LRRC49: variants seen among roughly 807,000 people sequenced by gnomAD.
The protein encoded by LRRC49 is leucine-rich repeat-containing protein 49.
In LRRC49, 50 loss-of-function variants were observed where a neutral mutation model predicts 83.3. The observed-to-expected ratio is 0.60, with a 90% CI of 0.48 to 0.76. The LOEUF (loss-of-function observed/expected upper bound fraction) is 0.76. Among genes scored for constraint, LRRC49 ranks in the 30% least tolerant of loss-of-function variants. The probability of loss-of-function intolerance (pLI) is 0.00; values close to 1 mark genes in which losing one functional copy is unlikely to be tolerated. For synonymous variants in LRRC49, 286 were observed against 283.3 expected (o/e 1.01, Z -0.10); for missense variants, 704 against 809.1 (o/e 0.87, Z 1.58).
intron 15 of LRRC49, among the ~76,000 whole-genome samples, chr15:71,045,131 T>C (rs1376964017): frequency 6.6e-6 from 1 of 152,056 alleles, no homozygotes; most frequent in East Asian, 1.9e-4. Flanking sequence ...CCAGACCTCA[T>C]GATCTGCCCA....
At chr15:70,883,349 G>A (rs887235072) in intron 2 of LRRC49, among the ~76,000 whole-genome samples, 5 of 151,856 alleles carry the variant, frequency 3.3e-5, no homozygotes, top group African/African-American at 1.2e-4. Context: ...GCGCCACCAC[G>A]CCCAGCTAAT....
At chr15:70,867,052 A>T (rs1438326380) in intron 1 of LRRC49, among the ~76,000 whole-genome samples, 1 of 103,326 alleles carries the variant, frequency 9.7e-6, no homozygotes, top group East Asian at 2.4e-4. Flanking sequence ...ATCGGAACGG[A>T]ATCCTGATGG....
chr15:70,953,734 T>C (rs2036300416), intron 8 of LRRC49, among the ~76,000 whole-genome samples: 1 of 152,166 alleles, frequency 6.6e-6, no homozygotes, highest in African/African-American at 2.4e-5. Context: ...TTGTTGTTTC[T>C]CCTCTTTCTG....
chr15:70,895,972 C>A (rs1171072849), intron 3 of LRRC49, 36 bp downstream of exon 3: 1 of 1,196,024 alleles, frequency 8.4e-7, no homozygotes, highest in Non-Finnish European at 1.2e-6. Context: ...TGTGGTTCAT[C>A]ATCTTTGAAT....
chr15:70,983,494 C>G (rs2037479931), intron 10 of LRRC49, among the ~76,000 whole-genome samples: 1 of 152,144 alleles, frequency 6.6e-6, no homozygotes, highest in Non-Finnish European at 1.5e-5. Context: ...TTCTTTCCTA[C>G]TCATCTGGAA....
intron 11 of LRRC49, among the ~76,000 whole-genome samples, chr15:70,992,797 G>A (rs1225259969): frequency 2.0e-5 from 3 of 152,288 alleles, no homozygotes; most frequent in East Asian, 1.9e-4. Context: ...GCCCCTACTC[G>A]GGGGTGCCTC....
chr15:70,892,944 T>C lies in LRRC49; in HGVS notation c.48+2T>C. On this transcript the variant is annotated splice_donor_variant, in intron 1 of 15. Coordinates refer to ENST00000260382, the MANE Select transcript of LRRC49 (RefSeq NM_017691.5). LOFTEE classifies it high-confidence loss of function. ...GTTTCTGGCCGGGCTGCGAACAACG[T>C]AAGTTGGGCCTTCTACTTTCTCTTT... 6.2e-7 allele frequency: 1 copy of C among 1,614,220 alleles called. No homozygotes were observed. Among genetic ancestry groups the C allele is most frequent in the Non-Finnish European group, 8.5e-7 (1 of 1,180,020 alleles).
intron 5 of LRRC49, among the ~76,000 whole-genome samples, chr15:70,909,913 C>T (rs1240199404): frequency 6.6e-6 from 1 of 150,572 alleles, no homozygotes; most frequent in Admixed American, 6.6e-5. Context: ...AGCTGTTTTC[C>T]CATCTGGTTG....
chr15:70,863,440 A>G (rs2032839240), intron 1 of LRRC49, among the ~76,000 whole-genome samples: 1 of 152,218 alleles, frequency 6.6e-6, no homozygotes, highest in Admixed American at 6.5e-5. Context: ...TCCTTTTCTC[A>G]AGTATTCTGG....
At chr15:70,910,976 T>C (rs995416255) in intron 5 of LRRC49, among the ~76,000 whole-genome samples, 2 of 152,208 alleles carry the variant, frequency 1.3e-5, no homozygotes, top group African/African-American at 4.8e-5. Context: ...GTATTTTAAA[T>C]ATGGTCATCT....
intron 2 of LRRC49, among the ~76,000 whole-genome samples, chr15:70,876,743 A>T (rs1340750345): frequency 6.6e-6 from 1 of 151,710 alleles, no homozygotes; most frequent in Non-Finnish European, 1.5e-5. Context: ...GCCTTTCCTC[A>T]CTCTAGGTCA....
chr15:71,048,295 A>G (rs1439731936), intron 15 of LRRC49, among the ~76,000 whole-genome samples: 1 of 151,232 alleles, frequency 6.6e-6, no homozygotes, highest in Non-Finnish European at 1.5e-5. Context: ...GGGTCTCGCT[A>G]TGTTGCCCAG....
Position 71,037,305 on chromosome 15 carries a change from A to G in LRRC49, c.1830A>G (p.Thr610=). 6.2e-7 allele frequency: 1 copy of G among 1,602,326 alleles called. No individual in the cohort carries two copies. The highest frequency in any genetic ancestry group is 8.5e-7 in the Non-Finnish European group (1 of 1,175,224). Residue 610 remains threonine, a synonymous_variant, in exon 15 of 16, where the codon ACA becomes ACG. Coordinates refer to ENST00000260382, the MANE Select transcript of LRRC49 (RefSeq NM_017691.5). ...NTNRATLNYT[T]RDFYNEKLEE... is the part of the protein sequence containing the mutation. ...ATCGTGCTACATTAAATTATACTAC[A>G]AGAGACTTTTATAATGAAAAGCTAG...
At chr15:70,982,957 T>C (rs2037458296) in intron 10 of LRRC49, among the ~76,000 whole-genome samples, 1 of 152,180 alleles carries the variant, frequency 6.6e-6, no homozygotes. Flanking sequence ...CTACATGTAC[T>C]GAAGGAGTGG....
intron 8 of LRRC49, among the ~76,000 whole-genome samples, chr15:70,949,295 G>A (rs1357391967): frequency 6.6e-6 from 1 of 152,110 alleles, no homozygotes; most frequent in African/African-American, 2.4e-5. Context: ...TTACAATGGT[G>A]GTTACCTAGA....
intron 7 of LRRC49, among the ~76,000 whole-genome samples, chr15:70,933,259 G>C (rs2035479898): frequency 1.3e-5 from 2 of 151,924 alleles, no homozygotes; most frequent in African/African-American, 4.8e-5. Flanking sequence ...ATTATTTTCA[G>C]TATTATGTTT....
At chr15:70,964,776 A>G (rs1437269286) in intron 9 of LRRC49, among the ~76,000 whole-genome samples, 1 of 152,154 alleles carries the variant, frequency 6.6e-6, no homozygotes, top group Non-Finnish European at 1.5e-5. Context: ...GACCTAGAAA[A>G]ATATCCTAAG....
At chr15:70,859,984 C>T in intron 1 of LRRC49, 2 of 757,940 alleles carry the variant, frequency 2.6e-6, no homozygotes, top group Non-Finnish European at 4.8e-6. Context: ...GTGGTCTGAG[C>T]TCCACCTATG....
Position 71,037,334 on chromosome 15 carries a change from T to C in LRRC49, c.1857+2T>C. 1.3e-6 allele frequency: 2 copies of C among 1,592,192 alleles called. No individual in the cohort carries two copies. Among genetic ancestry groups the C allele is most frequent in the African/African-American group, 2.7e-5 (2 of 73,546 alleles). ...GACTTTTATAATGAAAAGCTAGAGG[T>C]AAAACTACTGTTAATCTTTGCGATC... is the stretch of plus-strand genomic sequence containing the variant. On this transcript the variant is annotated splice_donor_variant, in intron 15 of 15. Coordinates refer to ENST00000260382, the MANE Select transcript of LRRC49 (RefSeq NM_017691.5). LOFTEE classifies it high-confidence loss of function.
Sources: gnomAD v4.1 joint callset for allele counts (sites outside exome capture counted in the v4.1 genomes callset) on GRCh38, gnomAD v4.1.1 for gene constraint, MANE v1.5 for transcripts, NCBI Gene and HGNC (gene_info 2026-07-23, HGNC 2026-07-21) for gene names.